MOB1B: variants seen among roughly 807,000 people sequenced by gnomAD.
MOB1B encodes the protein MOB kinase activator 1B.
Under a neutral mutation model 24.4 loss-of-function variants are expected in MOB1B, and 19 were observed. The ratio of observed to expected loss-of-function variants is 0.78; its 90% CI spans 0.54 to 1.14. MOB1B has a LOEUF of 1.14. MOB1B is among the 50% of genes most tolerant of loss of function. The pLI, the probability that MOB1B is intolerant of heterozygous loss-of-function variation, is 0.00. For missense variants in MOB1B, 243 were observed against 259.6 expected (o/e 0.94, Z 0.44); for synonymous variants, 76 against 82.1 (o/e 0.93, Z 0.40).
At chr4:70,923,975 A>AG (rs1452958838) in intron 1 of MOB1B, among the ~76,000 whole-genome samples, 3 of 151,272 alleles carry the variant, frequency 2.0e-5, no homozygotes, top group Non-Finnish European at 4.4e-5. Flanking sequence ...CAAAAAAAAA[A>AG]AAAGAAATAG....
chr4:70,951,759 T>G (rs1029296133), intron 1 of MOB1B, among the ~76,000 whole-genome samples: 6 of 152,124 alleles, frequency 3.9e-5, no homozygotes, highest in African/African-American at 1.4e-4. Flanking sequence ...ATTAGCTGGG[T>G]GTGGTGGCGT....
intron 1 of MOB1B, among the ~76,000 whole-genome samples, chr4:70,906,488 G>A (rs1375349245): frequency 6.6e-6 from 1 of 152,190 alleles, no homozygotes; most frequent in Non-Finnish European, 1.5e-5. Flanking sequence ...GTAAGTGTCC[G>A]TAAATACTGA....
intron 1 of MOB1B, among the ~76,000 whole-genome samples, chr4:70,918,251 T>G (rs1736273043): frequency 6.6e-6 from 1 of 152,086 alleles, no homozygotes; most frequent in South Asian, 2.1e-4. Flanking sequence ...TCTAGATCCC[T>G]GAGGAATCGC....
chr4:70,976,158 T>C, intron 4 of MOB1B: 1 of 971,598 alleles, frequency 1.0e-6, no homozygotes, highest in Non-Finnish European at 1.2e-6. Flanking sequence ...CACCTCGGCC[T>C]CCCAAAGTAC....
intron 3 of MOB1B, among the ~76,000 whole-genome samples, chr4:70,972,146 C>T (rs565999962): frequency 6.6e-6 from 1 of 152,120 alleles, no homozygotes; most frequent in African/African-American, 2.4e-5. Flanking sequence ...TTAATAAATG[C>T]TAAGCCCCTT....
At chr4:70,949,408 A>C (rs1387169097) in intron 1 of MOB1B, among the ~76,000 whole-genome samples, 1 of 152,160 alleles carries the variant, frequency 6.6e-6, no homozygotes, top group Non-Finnish European at 1.5e-5. Context: ...TTTTAGTCTT[A>C]TTATTTCTAG....
intron 2 of MOB1B, among the ~76,000 whole-genome samples, chr4:70,960,432 T>G (rs767010530): frequency 1.1e-4 from 16 of 152,208 alleles, no homozygotes; most frequent in Non-Finnish European, 2.1e-4. Flanking sequence ...AAATGAAATT[T>G]CATTGAAAGC....
intron 1 of MOB1B, among the ~76,000 whole-genome samples, chr4:70,957,422 C>T (rs373104705): frequency 6.0e-5 from 9 of 150,632 alleles, no homozygotes; most frequent in Non-Finnish European, 1.2e-4. Context: ...AAAAATCGCT[C>T]GCTCTCTCTC....
At chr4:70,974,037 G>T (rs143190682) in intron 3 of MOB1B, among the ~76,000 whole-genome samples, 1 of 152,296 alleles carries the variant, frequency 6.6e-6, no homozygotes, top group East Asian at 1.9e-4. Context: ...AGCAGCAGGA[G>T]TAACCTTTTG....
chr4:70,904,876 A>G (rs1735676083), intron 1 of MOB1B, among the ~76,000 whole-genome samples: 1 of 152,090 alleles, frequency 6.6e-6, no homozygotes, highest in Middle Eastern at 3.2e-3. Flanking sequence ...CTATTTTTAC[A>G]TGGCTCAGTA....
At chr4:70,913,172 G>A (rs1736063879) in intron 1 of MOB1B, among the ~76,000 whole-genome samples, 1 of 152,096 alleles carries the variant, frequency 6.6e-6, no homozygotes, top group African/African-American at 2.4e-5. Flanking sequence ...TTTCTCTGAT[G>A]TTTCCTTGTG....
intron 1 of MOB1B, among the ~76,000 whole-genome samples, chr4:70,914,076 G>C (rs889451520): frequency 6.6e-6 from 1 of 152,108 alleles, no homozygotes; most frequent in Non-Finnish European, 1.5e-5. Flanking sequence ...TGGTATTAGT[G>C]CCCTGATAAA....
At chr4:70,953,359 T>C (rs927277152) in intron 1 of MOB1B, among the ~76,000 whole-genome samples, 3 of 152,124 alleles carry the variant, frequency 2.0e-5, no homozygotes, top group Non-Finnish European at 4.4e-5. Flanking sequence ...CTAACAAAGA[T>C]TTTAAAAAGA....
intron 5 of MOB1B, among the ~76,000 whole-genome samples, chr4:70,980,436 C>T (rs1297646996): frequency 6.6e-6 from 1 of 152,200 alleles, no homozygotes; most frequent in Non-Finnish European, 1.5e-5. Context: ...TGTTTCCCAA[C>T]TCCTAGCAAA....
intron 1 of MOB1B, among the ~76,000 whole-genome samples, chr4:70,940,925 G>T (rs954026176): frequency 2.6e-5 from 4 of 151,668 alleles, no homozygotes; most frequent in Admixed American, 6.6e-5. Flanking sequence ...CGCCCGCCTC[G>T]GCCTCTCAAA....
At chr4:70,976,264 G>A (rs1738993012) in intron 4 of MOB1B, 1 of 983,824 alleles carries the variant, frequency 1.0e-6, no homozygotes, top group Non-Finnish European at 1.2e-6. Context: ...TGAGTAGATT[G>A]CTAATAACAT....
rs138436441 is a variant in MOB1B, at chr4:70,986,205, A to G, written c.*4148A>G. 8 of 152,310 alleles carry G rather than the reference A, an allele frequency of 5.3e-5. No individual in the cohort carries two copies. Among genetic ancestry groups the G allele is most frequent in the African/African-American group, 1.9e-4 (8 of 41,588 alleles). The allele number at this position is 152,310 out of a possible 1,614,324, so 9.4% of individuals were successfully genotyped here. Reference sequence around the variant, plus strand: ...GGATAGTATTGATTGAATGGATACTATGGAAAAGTGGATCCAATATTTAAG... The same window carrying G: ...GGATAGTATTGATTGAATGGATACTGTGGAAAAGTGGATCCAATATTTAAG... On this transcript the variant is annotated 3_prime_UTR_variant, in exon 6 of 6. Transcript: ENST00000309395.
chr4:70,952,528 A>G (rs1399215987), intron 1 of MOB1B, among the ~76,000 whole-genome samples: 1 of 151,452 alleles, frequency 6.6e-6, no homozygotes, highest in Non-Finnish European at 1.5e-5. Flanking sequence ...CTGTAGACCC[A>G]GCTACTTGGG....
At chr4:70,944,398 A>G (rs925046302) in intron 1 of MOB1B, among the ~76,000 whole-genome samples, 1 of 152,164 alleles carries the variant, frequency 6.6e-6, no homozygotes, top group African/African-American at 2.4e-5. Flanking sequence ...TCATATGTCA[A>G]CAGTGTACTT....
Sources: allele counts gnomAD v4.1 joint callset (sites outside exome capture counted in the v4.1 genomes callset), GRCh38; gene constraint gnomAD v4.1.1; transcripts MANE v1.5; gene names NCBI Gene and HGNC (gene_info 2026-07-23, HGNC 2026-07-21).